The following SPATA16 variants were observed in gnomAD, a reference collection of about 807,000 sequenced individuals.
SPATA16 encodes the protein spermatogenesis-associated protein 16.
In SPATA16, 36 loss-of-function variants were observed where a neutral mutation model predicts 63.3. That is an observed-to-expected ratio of 0.57 (90% CI 0.44 to 0.75). SPATA16 has a LOEUF of 0.75. Ranked by LOEUF, SPATA16 falls within the 30% of genes least tolerant of loss-of-function variation. SPATA16 has a pLI of 0.00. For missense variants in SPATA16, 646 were observed against 679.3 expected (o/e 0.95, Z 0.54); for synonymous variants, 203 against 216.7 (o/e 0.94, Z 0.56).
At chr3:173,051,404 G>T (rs377129100) in intron 2 of SPATA16, among the ~76,000 whole-genome samples, 5 of 151,986 alleles carry the variant, frequency 3.3e-5, no homozygotes, top group Admixed American at 6.6e-5. Context: ...GGGTTTCACC[G>T]TGTTAGCCAG....
intron 6 of SPATA16, among the ~76,000 whole-genome samples, chr3:172,944,887 G>A (rs934265443): frequency 2.0e-5 from 3 of 152,172 alleles, no homozygotes; most frequent in Admixed American, 2.0e-4. Flanking sequence ...AAATGAAAAG[G>A]TTTTGTAGAT....
chr3:172,998,840 A>G (rs1037266376), intron 4 of SPATA16, among the ~76,000 whole-genome samples: 2 of 152,158 alleles, frequency 1.3e-5, no homozygotes, highest in Non-Finnish European at 2.9e-5. Flanking sequence ...GATATGATGG[A>G]TTACTTCAAT....
chr3:172,960,907 TCCCTCCC>T (rs1374259790), intron 5 of SPATA16, among the ~76,000 whole-genome samples: 27 of 149,312 alleles, frequency 1.8e-4, no homozygotes, highest in South Asian at 2.1e-4. Flanking sequence ...CCTTCCTTCC[TCCCTCCC>T]TCCCTTCCTT....
intron 3 of SPATA16, among the ~76,000 whole-genome samples, chr3:173,020,023 C>T (rs965810769): frequency 1.8e-4 from 27 of 150,016 alleles, no homozygotes; most frequent in African/African-American, 4.9e-4. Flanking sequence ...AGGCTGGGTG[C>T]GGTGGCTCAT....
chr3:173,013,758 A>G (rs903892471), intron 4 of SPATA16, among the ~76,000 whole-genome samples: 1 of 152,214 alleles, frequency 6.6e-6, no homozygotes, highest in Non-Finnish European at 1.5e-5. Context: ...CATGACCTTC[A>G]TTCTACTGCT....
intron 8 of SPATA16, among the ~76,000 whole-genome samples, chr3:172,918,212 GA>G (rs1457645577): frequency 6.6e-6 from 1 of 152,184 alleles, no homozygotes; most frequent in Non-Finnish European, 1.5e-5. Context: ...TCATTCTGAA[GA>G]AAAATTGCTT....
At chr3:172,918,302 C>A (rs1732540554) in intron 8 of SPATA16, among the ~76,000 whole-genome samples, 2 of 152,168 alleles carry the variant, frequency 1.3e-5, no homozygotes, top group African/African-American at 4.8e-5. Flanking sequence ...AGAGCAGAAA[C>A]AACTGCAGGC....
chr3:173,077,474 T>C (rs1736834145), intron 2 of SPATA16, among the ~76,000 whole-genome samples: 1 of 152,228 alleles, frequency 6.6e-6, no homozygotes, highest in Non-Finnish European at 1.5e-5. Flanking sequence ...TACATGCAAG[T>C]CATTCCTCCA....
At chr3:173,077,176 T>C (rs1319411182) in intron 2 of SPATA16, among the ~76,000 whole-genome samples, 1 of 152,212 alleles carries the variant, frequency 6.6e-6, no homozygotes, top group Admixed American at 6.5e-5. Flanking sequence ...ATAATTCTTC[T>C]AATTTAAAAT....
intron 10 of SPATA16, among the ~76,000 whole-genome samples, chr3:172,910,626 A>C (rs1732349814): frequency 6.6e-6 from 1 of 151,828 alleles, no homozygotes; most frequent in South Asian, 2.1e-4. Context: ...CAACAGAGAT[A>C]TGTGATTATA....
intron 2 of SPATA16, among the ~76,000 whole-genome samples, chr3:173,074,681 A>G (rs1468492610): frequency 6.6e-6 from 1 of 152,102 alleles, no homozygotes; most frequent in African/African-American, 2.4e-5. Context: ...ACGGACTAAT[A>G]CAGATGGCAA....
At chr3:173,088,294 A>G (rs1034759831) in intron 2 of SPATA16, among the ~76,000 whole-genome samples, 2 of 151,834 alleles carry the variant, frequency 1.3e-5, no homozygotes, top group Non-Finnish European at 2.9e-5. Context: ...CATGTTGGCC[A>G]GGATGCTCTC....
At chr3:172,930,659 C>T (rs1732851407) in intron 6 of SPATA16, among the ~76,000 whole-genome samples, 1 of 148,628 alleles carries the variant, frequency 6.7e-6, no homozygotes, top group African/African-American at 2.5e-5. Flanking sequence ...CCTGGGTTCA[C>T]ACCATTCTCC....
intron 2 of SPATA16, among the ~76,000 whole-genome samples, chr3:173,066,002 C>G (rs563156846): frequency 1.3e-5 from 2 of 152,186 alleles, no homozygotes; most frequent in African/African-American, 4.8e-5. Context: ...CTATGAGACA[C>G]TGGCCATGGT....
chr3:173,029,619 C>T (rs1735554410), intron 3 of SPATA16, among the ~76,000 whole-genome samples: 1 of 151,926 alleles, frequency 6.6e-6, no homozygotes, highest in African/African-American at 2.4e-5. Flanking sequence ...GGAAACAGTA[C>T]ACCTGGCAAG....
At chr3:172,913,385 C>T (rs71310528) in intron 10 of SPATA16, among the ~76,000 whole-genome samples, 6,780 of 151,524 alleles carry the variant, frequency 0.045, 218 homozygotes, top group South Asian at 0.068. Context: ...AGAACGAAGG[C>T]GCAGATAATG....
chr3:173,131,639 G>C (rs544042134), intron 1 of SPATA16, among the ~76,000 whole-genome samples: 16 of 152,124 alleles, frequency 1.1e-4, no homozygotes, highest in Non-Finnish European at 1.6e-4. Flanking sequence ...GCCTCTGAAA[G>C]GAAAATAAAA....
intron 4 of SPATA16, among the ~76,000 whole-genome samples, chr3:172,979,809 A>T (rs1413084873): frequency 6.6e-6 from 1 of 152,250 alleles, no homozygotes; most frequent in Non-Finnish European, 1.5e-5. Flanking sequence ...CTTACCTGCC[A>T]TACCTCAGTG....
chr3:173,014,427 C>T (rs1231377852), intron 4 of SPATA16, among the ~76,000 whole-genome samples: 2 of 152,128 alleles, frequency 1.3e-5, no homozygotes, highest in East Asian at 3.8e-4. Flanking sequence ...ACATTGGGTA[C>T]TGCTAAAGTG....
Sources: allele counts gnomAD v4.1 joint callset (sites outside exome capture counted in the v4.1 genomes callset), GRCh38; gene constraint gnomAD v4.1.1; transcripts MANE v1.5; gene names NCBI Gene and HGNC (gene_info 2026-07-23, HGNC 2026-07-21).